Variants in THSD4 observed in about 807,000 individuals in gnomAD.
THSD4 encodes the protein thrombospondin type 1 domain containing 4, also known as thrombospondin type-1 domain-containing protein 4.
Under a neutral mutation model 119.0 loss-of-function variants are expected in THSD4, and 69 were observed. That is an observed-to-expected ratio of 0.58 (90% CI 0.48 to 0.71). THSD4 has a LOEUF of 0.71. THSD4 is among the 30% of genes least tolerant of loss of function. The pLI, the probability that THSD4 is intolerant of heterozygous loss-of-function variation, is 0.00. For missense variants in THSD4, 1,393 were observed against 1,391.1 expected (o/e 1.00, Z -0.02); for synonymous variants, 524 against 540.4 (o/e 0.97, Z 0.42).
At chr15:71,649,366 T>G (rs1030168182) in intron 7 of THSD4, among the ~76,000 whole-genome samples, 4 of 152,152 alleles carry the variant, frequency 2.6e-5, no homozygotes, top group Non-Finnish European at 5.9e-5. Context: ...CTCTGCCTCC[T>G]GGGGTCAAGC....
At chr15:71,612,506 T>C (rs2050249167) in intron 7 of THSD4, among the ~76,000 whole-genome samples, 1 of 152,218 alleles carries the variant, frequency 6.6e-6, no homozygotes, top group Non-Finnish European at 1.5e-5. Context: ...AGGTTGTTAA[T>C]GTGTGAACCT....
chr15:71,390,425 A>G (rs1270668608), intron 6 of THSD4, among the ~76,000 whole-genome samples: 1 of 152,218 alleles, frequency 6.6e-6, no homozygotes, highest in African/African-American at 2.4e-5. Context: ...TTAAAGGGTA[A>G]AAGTATTGGA....
intron 8 of THSD4, among the ~76,000 whole-genome samples, chr15:71,727,841 T>C (rs2052892377): frequency 1.3e-5 from 2 of 148,814 alleles, no homozygotes; most frequent in Non-Finnish European, 3.0e-5. Flanking sequence ...GTATGATAAA[T>C]GATATAAATC....
intron 6 of THSD4, among the ~76,000 whole-genome samples, chr15:71,305,555 G>A (rs938279785): frequency 6.6e-6 from 1 of 152,102 alleles, no homozygotes; most frequent in Non-Finnish European, 1.5e-5. Flanking sequence ...GACCTTCAAC[G>A]GTATTCTACC....
At chr15:71,772,296 T>C (rs1223629675) in intron 17 of THSD4, among the ~76,000 whole-genome samples, 3 of 152,332 alleles carry the variant, frequency 2.0e-5, no homozygotes, top group African/African-American at 7.2e-5. Flanking sequence ...AGATGCTTTA[T>C]GATCATAAGT....
At chr15:71,445,376 G>A (rs908524929) in intron 7 of THSD4, among the ~76,000 whole-genome samples, 1 of 152,178 alleles carries the variant, frequency 6.6e-6, no homozygotes, top group African/African-American at 2.4e-5. Context: ...AGCACAGTGA[G>A]TCAGCGCATA....
intron 6 of THSD4, among the ~76,000 whole-genome samples, chr15:71,267,812 A>G (rs2044480849): frequency 6.6e-6 from 1 of 152,230 alleles, no homozygotes; most frequent in Non-Finnish European, 1.5e-5. Flanking sequence ...TTGCAATCCT[A>G]GTCTCTGATA....
intron 2 of THSD4, among the ~76,000 whole-genome samples, chr15:71,144,371 G>A (rs2040636034): frequency 6.6e-6 from 1 of 152,120 alleles, no homozygotes; most frequent in African/African-American, 2.4e-5. Flanking sequence ...AAGGGCTGTG[G>A]GTTACTTGAA....
At chr15:71,715,201 C>G (rs1479145121) in intron 8 of THSD4, among the ~76,000 whole-genome samples, 1 of 152,192 alleles carries the variant, frequency 6.6e-6, no homozygotes, top group Non-Finnish European at 1.5e-5. Context: ...ATTTGTGTCT[C>G]TACAAAACCC....
At chr15:71,764,111 C>T (rs73432452) in intron 15 of THSD4, among the ~76,000 whole-genome samples, 2,108 of 150,972 alleles carry the variant, frequency 0.014, 49 homozygotes, top group African/African-American at 0.049. Flanking sequence ...CCAGGCAAGG[C>T]AGTGCACACC....
intron 7 of THSD4, among the ~76,000 whole-genome samples, chr15:71,608,214 C>T (rs1459168325): frequency 8.4e-6 from 1 of 118,646 alleles, no homozygotes; most frequent in African/African-American, 3.1e-5. Flanking sequence ...CAGAGCAAAA[C>T]TCTGTCTCAA....
At chr15:71,399,315 C>A (rs187534240) in intron 6 of THSD4, among the ~76,000 whole-genome samples, 121 of 152,160 alleles carry the variant, frequency 8.0e-4, no homozygotes, top group Non-Finnish European at 9.7e-4. Flanking sequence ...ATAGTAGGTG[C>A]TCAAAAAACA....
intron 16 of THSD4, 81 bp downstream of exon 16, chr15:71,765,280 C>T: frequency 1.4e-6 from 2 of 1,472,994 alleles, no homozygotes; most frequent in African/African-American, 1.4e-5. Context: ...CTGGGCCAGG[C>T]ACTGGGTTCA....
chr15:71,592,729 C>G (rs1338644530), intron 7 of THSD4, among the ~76,000 whole-genome samples: 1 of 152,000 alleles, frequency 6.6e-6, no homozygotes, highest in African/African-American at 2.4e-5. Flanking sequence ...CGTAGCCTGC[C>G]TCTAGGTTGA....
At chr15:71,396,308 A>G (rs2046454958) in intron 6 of THSD4, among the ~76,000 whole-genome samples, 1 of 152,150 alleles carries the variant, frequency 6.6e-6, no homozygotes, top group Non-Finnish European at 1.5e-5. Flanking sequence ...ATGCACACAC[A>G]CACACACATA....
intron 14 of THSD4, among the ~76,000 whole-genome samples, chr15:71,750,399 C>T (rs1455391939): frequency 6.6e-6 from 1 of 152,168 alleles, no homozygotes; most frequent in African/African-American, 2.4e-5. Flanking sequence ...GTTTTCTCTC[C>T]CTCTGCGGTG....
At chr15:71,364,279 G>A (rs912246461) in intron 6 of THSD4, among the ~76,000 whole-genome samples, 2 of 152,234 alleles carry the variant, frequency 1.3e-5, no homozygotes, top group South Asian at 4.1e-4. Flanking sequence ...CACTGGGCAA[G>A]TCTGGACAAG....
At chr15:71,593,799 G>C (rs2049853956) in intron 7 of THSD4, among the ~76,000 whole-genome samples, 1 of 152,076 alleles carries the variant, frequency 6.6e-6, no homozygotes, top group South Asian at 2.1e-4. Flanking sequence ...AGCTACTTGG[G>C]AGGCTGAGGT....
intron 3 of THSD4, among the ~76,000 whole-genome samples, chr15:71,167,772 A>G (rs188235933): frequency 6.6e-6 from 1 of 152,358 alleles, no homozygotes; most frequent in Admixed American, 6.5e-5. Context: ...TTTAGTATGT[A>G]TATGAAAACT....
Sources: gnomAD v4.1 joint callset for allele counts (sites outside exome capture counted in the v4.1 genomes callset) on GRCh38, gnomAD v4.1.1 for gene constraint, MANE v1.5 for transcripts, NCBI Gene and HGNC (gene_info 2026-07-23, HGNC 2026-07-21) for gene names.